CSMD1: variants seen among roughly 807,000 people sequenced by gnomAD.
The protein encoded by CSMD1 is CUB and sushi domain-containing protein 1.
CSMD1 carries 213 observed loss-of-function variants against 417.5 expected under a neutral mutation model. The ratio of observed to expected loss-of-function variants is 0.51; its 90% CI spans 0.46 to 0.57. The LOEUF is 0.57. Ranked by LOEUF, CSMD1 falls within the 20% of genes least tolerant of loss-of-function variation. CSMD1 has a pLI of 0.00. For missense variants in CSMD1, 6,923 were observed against 4,529.7 expected (o/e 1.53, Z -15.17); for synonymous variants, 2,862 against 1,736.8 (o/e 1.65, Z -16.11).
chr8:4,192,683 T>C (rs778602149), intron 3 of CSMD1, among the ~76,000 whole-genome samples: 1 of 152,196 alleles, frequency 6.6e-6, no homozygotes, highest in Non-Finnish European at 1.5e-5. Context: ...ACTTAAATCT[T>C]AAATCTGTAT....
intron 7 of CSMD1, among the ~76,000 whole-genome samples, chr8:3,690,243 C>T (rs760514357): frequency 1.3e-5 from 2 of 152,106 alleles, no homozygotes; most frequent in East Asian, 1.9e-4. Flanking sequence ...CCTGTAATCC[C>T]AGCTACTTGG....
At chr8:3,253,395 A>T (rs902479854) in intron 26 of CSMD1, among the ~76,000 whole-genome samples, 1 of 152,122 alleles carries the variant, frequency 6.6e-6, no homozygotes, top group Admixed American at 6.5e-5. Flanking sequence ...TCTGAGAGAC[A>T]GTTTGTTATA....
At chr8:4,960,263 A>C (rs777925068) in intron 1 of CSMD1, among the ~76,000 whole-genome samples, 16 of 152,232 alleles carry the variant, frequency 1.1e-4, no homozygotes, top group South Asian at 4.1e-4. Flanking sequence ...TGGAAAAGAT[A>C]AACTATACAT....
chr8:3,291,179 T>C (rs952417499), intron 25 of CSMD1, among the ~76,000 whole-genome samples: 1 of 152,198 alleles, frequency 6.6e-6, no homozygotes, highest in Non-Finnish European at 1.5e-5. Context: ...TGAAACCCAC[T>C]TGATCATTGT....
At chr8:4,024,327 G>C (rs966709010) in intron 4 of CSMD1, among the ~76,000 whole-genome samples, 1 of 152,158 alleles carries the variant, frequency 6.6e-6, no homozygotes, top group Admixed American at 6.5e-5. Context: ...AATAATGACA[G>C]AAAACCAGAA....
intron 2 of CSMD1, among the ~76,000 whole-genome samples, chr8:4,566,969 T>C (rs189837794): frequency 9.2e-4 from 140 of 152,266 alleles, no homozygotes; most frequent in African/African-American, 3.0e-3. Context: ...TAGCAGTCTC[T>C]GGAGAAAACA....
At chr8:4,930,621 C>G (rs1202563158) in intron 1 of CSMD1, among the ~76,000 whole-genome samples, 10 of 152,180 alleles carry the variant, frequency 6.6e-5, no homozygotes, top group Admixed American at 2.6e-4. Context: ...TATCACCTGT[C>G]TCTCCAAAGA....
intron 3 of CSMD1, among the ~76,000 whole-genome samples, chr8:4,190,072 C>G (rs571380591): frequency 6.6e-6 from 1 of 151,888 alleles, no homozygotes; most frequent in East Asian, 1.9e-4. Context: ...TCCTGGCTAA[C>G]ATGGTGAAAC....
intron 2 of CSMD1, among the ~76,000 whole-genome samples, chr8:4,615,696 T>G (rs751102122): frequency 1.6e-4 from 25 of 152,174 alleles, no homozygotes; most frequent in Non-Finnish European, 3.2e-4. Flanking sequence ...GCACATAAAC[T>G]GTTCTGTTAA....
At chr8:3,985,347 G>C (rs1418374249) in intron 5 of CSMD1, among the ~76,000 whole-genome samples, 1 of 152,176 alleles carries the variant, frequency 6.6e-6, no homozygotes, top group Non-Finnish European at 1.5e-5. Context: ...TAGGGTTACA[G>C]ATTGCATTGT....
At chr8:3,102,290 A>C (rs180969884) in intron 46 of CSMD1, among the ~76,000 whole-genome samples, 3 of 152,288 alleles carry the variant, frequency 2.0e-5, no homozygotes, top group East Asian at 1.9e-4. Context: ...CTAGGGTCTT[A>C]TTTCCTGTTT....
chr8:3,179,293 G>A (rs1821159746), intron 37 of CSMD1, among the ~76,000 whole-genome samples: 2 of 152,168 alleles, frequency 1.3e-5, no homozygotes, highest in Non-Finnish European at 2.9e-5. Context: ...ACAGAGAAAT[G>A]AGTTCCTCTT....
intron 3 of CSMD1, among the ~76,000 whole-genome samples, chr8:4,300,732 C>T (rs1028926510): frequency 1.3e-5 from 2 of 152,084 alleles, no homozygotes; most frequent in Admixed American, 6.6e-5. Context: ...CCCCTTCCTG[C>T]GTCCACGTGT....
chr8:4,650,260 G>C (rs1232561855), intron 1 of CSMD1, among the ~76,000 whole-genome samples: 3 of 150,266 alleles, frequency 2.0e-5, no homozygotes, highest in Non-Finnish European at 3.0e-5. Flanking sequence ...CAGGAGAATG[G>C]CGTGAACCCG....
intron 4 of CSMD1, among the ~76,000 whole-genome samples, chr8:4,031,153 T>G (rs985560554): frequency 3.3e-5 from 5 of 152,216 alleles, no homozygotes; most frequent in African/African-American, 4.8e-5. Flanking sequence ...TGTTATCCAG[T>G]TCCAAAGTCG....
chr8:4,177,946 T>C (rs889262549), intron 3 of CSMD1, among the ~76,000 whole-genome samples: 4 of 152,032 alleles, frequency 2.6e-5, no homozygotes, highest in Non-Finnish European at 4.4e-5. Context: ...CAATAGCTTA[T>C]CAACCAAAAA....
intron 3 of CSMD1, among the ~76,000 whole-genome samples, chr8:4,119,250 A>T (rs915883437): frequency 6.6e-6 from 1 of 152,154 alleles, no homozygotes; most frequent in Non-Finnish European, 1.5e-5. Context: ...TAGAACTTAA[A>T]GTAAAATTAA....
chr8:4,349,518 T>G (rs1240533305), intron 3 of CSMD1, among the ~76,000 whole-genome samples: 1 of 152,166 alleles, frequency 6.6e-6, no homozygotes, highest in East Asian at 1.9e-4. Context: ...CTTTTTCCCT[T>G]TCAACAGCCT....
intron 3 of CSMD1, among the ~76,000 whole-genome samples, chr8:4,255,815 C>G (rs927822066): frequency 6.6e-6 from 1 of 152,210 alleles, no homozygotes; most frequent in African/African-American, 2.4e-5. Flanking sequence ...CTCTGGGGCA[C>G]TGGCTGGCCT....
Sources: gnomAD v4.1 joint callset for allele counts (sites outside exome capture counted in the v4.1 genomes callset) on GRCh38, gnomAD v4.1.1 for gene constraint, MANE v1.5 for transcripts, NCBI Gene and HGNC (gene_info 2026-07-23, HGNC 2026-07-21) for gene names.